The following TULP4 variants were observed in gnomAD, a reference collection of about 807,000 sequenced individuals.
TULP4 encodes TUB like protein 4, also known as tubby-related protein 4.
Under a neutral mutation model 129.0 loss-of-function variants are expected in TULP4, and 16 were observed. The observed-to-expected ratio is 0.12, with a 90% confidence interval of 0.08 to 0.19. The LOEUF is 0.19. TULP4 is among the 10% of genes least tolerant of loss of function. The pLI is 1.00. For synonymous variants in TULP4, 998 were observed against 854.0 expected, an observed-to-expected ratio of 1.17 and a Z score of -2.94; for missense variants, 1,842 against 2,059.1, an observed-to-expected ratio of 0.89 and a Z score of 2.04.
intron 6 of TULP4, among the ~76,000 whole-genome samples, chr6:158,466,805 T>C (rs1374784902): frequency 2.6e-5 from 4 of 152,188 alleles, no homozygotes; most frequent in African/African-American, 9.7e-5. Flanking sequence ...GACTTTGAAG[T>C]AGAACTGTTT....
At chr6:158,442,651 A>G (rs1310621070) in intron 3 of TULP4, among the ~76,000 whole-genome samples, 1 of 152,070 alleles carries the variant, frequency 6.6e-6, no homozygotes, top group East Asian at 1.9e-4. Context: ...CATTCAATGT[A>G]TATTTAAATG....
chr6:158,348,420 C>T (rs1780372041), intron 1 of TULP4, among the ~76,000 whole-genome samples: 1 of 152,000 alleles, frequency 6.6e-6, no homozygotes, highest in Non-Finnish European at 1.5e-5. Flanking sequence ...TAACAAAGCA[C>T]ATCTTGCACC....
At chr6:158,242,130 C>T in intron 1 of TULP4, 2 of 896,358 alleles carry the variant, frequency 2.2e-6, no homozygotes, top group East Asian at 4.8e-5. Flanking sequence ...GAATATAGGC[C>T]ATCTGACCAT....
chr6:158,422,809 C>T (rs531111945), intron 2 of TULP4, among the ~76,000 whole-genome samples: 3 of 152,360 alleles, frequency 2.0e-5, no homozygotes, highest in African/African-American at 7.2e-5. Flanking sequence ...CTGGCCCTCC[C>T]ACCCCAGCCT....
intron 1 of TULP4, among the ~76,000 whole-genome samples, chr6:158,337,804 A>T (rs73017735): frequency 1.2e-4 from 16 of 135,030 alleles, no homozygotes; most frequent in Admixed American, 5.9e-4. Context: ...TTTTTTTTTT[A>T]AAGCAGTTAA....
In TULP4 at chr6:158,337,621, T is replaced by C. The variant is rs115411045; in HGVS notation, c.252+23353T>C. On this transcript the variant is annotated intron_variant, in intron 1 of 13. Coordinates refer to ENST00000367097, the MANE Select transcript of TULP4 (RefSeq NM_020245.5). The stretch of plus-strand genomic sequence containing the variant: ...TGAGTACAAGAAGAAATACATGATT[T>C]ACCTTTTATTTTAAGGCACCAAAGC... Among the ~76,000 whole-genome samples the C allele has an allele frequency of 5.5e-3, 843 of 152,286 alleles. 7 individuals carry two copies. The highest frequency in any genetic ancestry group is 0.019 in the African/African-American group (775 of 41,546).
intron 13 of TULP4, among the ~76,000 whole-genome samples, chr6:158,506,107 A>G (rs941746826): frequency 2.0e-5 from 3 of 151,494 alleles, no homozygotes; most frequent in East Asian, 2.0e-4. Flanking sequence ...GGAGTTAGAT[A>G]TAGAAGCTTC....
rs892652292 is a variant in TULP4, at chr6:158,429,903, A to C, written c.543+6A>C. 3.7e-6 allele frequency: 6 copies of C among 1,613,238 alleles called. No individual in the cohort carries two copies. The highest frequency in any genetic ancestry group is 5.1e-6 in the Non-Finnish European group (6 of 1,179,650). On this transcript the variant is annotated splice_donor_region_variant and intron_variant, in intron 3 of 13. Coordinates refer to ENST00000367097, the MANE Select transcript of TULP4 (RefSeq NM_020245.5). The stretch of plus-strand genomic sequence containing the variant: ...GGACTCCTGACGACCAACAGGTAAC[A>C]CTTCTGAAATGTGGTGGGTGTGTGA...
chr6:158,237,332 C>T lies in TULP4; in HGVS notation n.68+5029C>T. ...AAAAACAGCCTTCAACAAGAATATT[C>T]TCATCACCAGCCACCTTTTCCACCT... On this transcript the variant is annotated intron_variant and non_coding_transcript_variant, in intron 1 of 1. Coordinates refer to the TULP4 transcript ENST00000620026. 1.9e-6 allele frequency: 3 copies of T among 1,610,576 alleles called. No homozygotes were observed. In the South Asian group the frequency reaches 3.3e-5, roughly 18 times the overall value.
At chr6:158,336,385 CT>C (rs1780034616) in intron 1 of TULP4, among the ~76,000 whole-genome samples, 1 of 151,998 alleles carries the variant, frequency 6.6e-6, no homozygotes, top group Non-Finnish European at 1.5e-5. Flanking sequence ...TTAACTTTGA[CT>C]TTGCTTAGTG....
At chr6:158,309,317 CA>C (rs1355037691), upstream of TULP4, among the ~76,000 whole-genome samples, 1 of 143,322 alleles carries the variant, frequency 7.0e-6, no homozygotes, top group Non-Finnish European at 1.5e-5. Flanking sequence ...AGGCGCTCCC[CA>C]CATCTCAGAC....
rs61250704 is a variant in TULP4 at position 158,378,463 on chromosome 6, G to GTTTTTTTTTTTT, written c.253-34591_253-34580dup. 2.8e-4 allele frequency among the ~76,000 whole-genome samples: 15 copies of GTTTTTTTTTTTT among 53,636 alleles called. 4 individuals carry two copies. Among genetic ancestry groups the GTTTTTTTTTTTT allele is most frequent in the East Asian group, 1.1e-3 (1 of 948 alleles). 35.2% of individuals were successfully genotyped at this position (53,636 alleles called of 152,430 possible). A position where few individuals can be genotyped will look rare whatever the true frequency, so the allele number is the denominator to read the frequency against. Reference sequence around the variant, plus strand: ...TTGAGCAGTTAGGATGGGGGAGCCAGTTTTTTTTTTTTTTTTTTTTTTGGT... The same window carrying GTTTTTTTTTTTT: ...TTGAGCAGTTAGGATGGGGGAGCCAGTTTTTTTTTTTTTTTTTTTTTTTTTTTTTTTTTTGGT... On this transcript the variant is annotated intron_variant, in intron 1 of 13. Coordinates refer to ENST00000367097, the MANE Select transcript of TULP4 (RefSeq NM_020245.5).
At chr6:158,338,000 C>T (rs1780086960) in intron 1 of TULP4, among the ~76,000 whole-genome samples, 1 of 152,188 alleles carries the variant, frequency 6.6e-6, no homozygotes, top group South Asian at 2.1e-4. Context: ...CTCCACCCAA[C>T]AGTGAATTCT....
intron 8 of TULP4, among the ~76,000 whole-genome samples, chr6:158,483,572 G>A (rs1369938718): frequency 2.0e-5 from 3 of 151,992 alleles, no homozygotes; most frequent in Admixed American, 1.3e-4. Flanking sequence ...GTAGTCCTCC[G>A]CCTTGGCCTC....
At chr6:158,305,139 TTACTGTTTC>T (rs1381460753) in intron 1 of TULP4, among the ~76,000 whole-genome samples, 1 of 152,130 alleles carries the variant, frequency 6.6e-6, no homozygotes, top group East Asian at 1.9e-4. Flanking sequence ...ACCCTTCTAC[TTACTGTTTC>T]TATGAATCCT....
chr6:158,410,780 A>G (rs341163), intron 1 of TULP4, among the ~76,000 whole-genome samples: 37,049 of 152,160 alleles, frequency 0.24, 5,725 homozygotes, highest in Non-Finnish European at 0.35. Context: ...TTAAAAAAAA[A>G]TCAGTAATTC....
chr6:158,288,532 A>G (rs1583706761), intron 1 of TULP4, among the ~76,000 whole-genome samples: 1 of 150,978 alleles, frequency 6.6e-6, no homozygotes, highest in African/African-American at 2.4e-5. Flanking sequence ...AAGGAGTCTC[A>G]CTCTGTCGCC....
At chr6:158,435,713 A>T (rs1056493073) in intron 3 of TULP4, among the ~76,000 whole-genome samples, 1 of 151,952 alleles carries the variant, frequency 6.6e-6, no homozygotes, top group Non-Finnish European at 1.5e-5. Context: ...CATCACCGTC[A>T]CCACCACCAC....
chr6:158,482,083 G>C (rs1333942833), intron 8 of TULP4, among the ~76,000 whole-genome samples: 1 of 152,242 alleles, frequency 6.6e-6, no homozygotes, highest in Non-Finnish European at 1.5e-5. Context: ...AATCCTGTGG[G>C]CCTGGGGGGA....
Sources: gnomAD v4.1 joint callset for allele counts (sites outside exome capture counted in the v4.1 genomes callset) on GRCh38, gnomAD v4.1.1 for gene constraint, MANE v1.5 for transcripts, NCBI Gene and HGNC (gene_info 2026-07-23, HGNC 2026-07-21) for gene names.